GRM7: variants seen among roughly 807,000 people sequenced by gnomAD.
The protein encoded by GRM7 is glutamate metabotropic receptor 7, also known as metabotropic glutamate receptor 7.
In GRM7, 35 loss-of-function variants were observed where a neutral mutation model predicts 84.5. The observed-to-expected ratio is 0.41, with a 90% confidence interval of 0.32 to 0.55. GRM7 has a LOEUF of 0.55. Among genes scored for constraint, GRM7 ranks in the 20% least tolerant of loss-of-function variants. The probability of loss-of-function intolerance (pLI) is 0.19; values close to 1 mark genes in which losing one functional copy is unlikely to be tolerated. For missense variants in GRM7, 1,003 were observed against 1,194.6 expected, an observed-to-expected ratio of 0.84 and a Z score of 2.36; for synonymous variants, 487 against 455.1, an observed-to-expected ratio of 1.07 and a Z score of -0.89.
At chr3:6,878,828 A>G (rs1695408494) in intron 1 of GRM7, among the ~76,000 whole-genome samples, 1 of 152,184 alleles carries the variant, frequency 6.6e-6, no homozygotes, top group Non-Finnish European at 1.5e-5. Context: ...ATCTGCCTGA[A>G]AGTTTGTTAA....
In GRM7 at chr3:7,218,694, C is replaced by T. The variant is rs1200738832; in HGVS notation, c.736+72026C>T. 3.3e-5 allele frequency among the ~76,000 whole-genome samples: 5 copies of T among 152,120 alleles called. No homozygotes were observed. In the East Asian group the frequency reaches 9.6e-4, roughly 29 times the overall value. ...TTTCCGATGTTTATTAGCTACTTGA[C>T]TGTGCCCTTCCTTTAATTTTCTATT... On this transcript the variant is annotated intron_variant, in intron 2 of 9. Coordinates refer to ENST00000357716, the MANE Select transcript of GRM7 (RefSeq NM_000844.4).
At position 7,467,773 on chromosome 3, in the gene GRM7, C is replaced by T. The variant is rs191123666; in HGVS notation, c.1515+6051C>T. ...AGACAATTTATGTAACATACTCTTT[C>T]TTTACAATCTTATTCACCATAGTAA... On this transcript the variant is annotated intron_variant, in intron 7 of 9. Transcript: ENST00000357716. Among the ~76,000 whole-genome samples, 1,403 of 152,124 alleles carry T rather than the reference C, an allele frequency of 9.2e-3. 9 individuals are homozygous for T. Among genetic ancestry groups the T allele is most frequent in the Admixed American group, 0.016 (248 of 15,288 alleles).
chr3:7,300,249 T>C (rs1423512318), intron 3 of GRM7, among the ~76,000 whole-genome samples: 1 of 152,212 alleles, frequency 6.6e-6, no homozygotes, highest in East Asian at 1.9e-4. Flanking sequence ...AAGTTCCTGC[T>C]TGGATTTTTC....
chr3:7,010,209 G>A (rs1458909215), intron 1 of GRM7, among the ~76,000 whole-genome samples: 1 of 152,174 alleles, frequency 6.6e-6, no homozygotes, highest in African/African-American at 2.4e-5. Flanking sequence ...CTAGCAGTTT[G>A]GGAGGCCAAG....
chr3:7,112,053 G>A (rs1273336480), intron 1 of GRM7, among the ~76,000 whole-genome samples: 2 of 152,094 alleles, frequency 1.3e-5, no homozygotes, highest in African/African-American at 4.8e-5. Flanking sequence ...AGTGTAAAAG[G>A]CAGGAGATTT....
At chr3:7,343,270 G>A (rs1692729300) in intron 4 of GRM7, among the ~76,000 whole-genome samples, 1 of 152,052 alleles carries the variant, frequency 6.6e-6, no homozygotes, top group Non-Finnish European at 1.5e-5. Context: ...GTCTCACTCT[G>A]TTGCCCAGAC....
chr3:6,874,018 C>T (rs1695218057), intron 1 of GRM7, among the ~76,000 whole-genome samples: 1 of 152,190 alleles, frequency 6.6e-6, no homozygotes, highest in African/African-American at 2.4e-5. Flanking sequence ...GCCAGGCAGA[C>T]TGAATTTTAA....
At chr3:7,626,553 G>C (rs968004446) in intron 8 of GRM7, among the ~76,000 whole-genome samples, 2 of 152,136 alleles carry the variant, frequency 1.3e-5, no homozygotes, top group African/African-American at 2.4e-5. Context: ...CTGTGAAAAA[G>C]AGCATGTGCC....
intron 2 of GRM7, among the ~76,000 whole-genome samples, chr3:7,256,987 C>G (rs1449405988): frequency 6.6e-6 from 1 of 152,192 alleles, no homozygotes; most frequent in Admixed American, 6.5e-5. Flanking sequence ...TCATTTCAGA[C>G]AGAGGAATCT....
At chr3:7,514,949 T>C (rs1404277815) in intron 7 of GRM7, among the ~76,000 whole-genome samples, 2 of 152,108 alleles carry the variant, frequency 1.3e-5, no homozygotes, top group African/African-American at 4.8e-5. Flanking sequence ...ATTCGAGTTA[T>C]GACTGTTGAG....
intron 1 of GRM7, among the ~76,000 whole-genome samples, chr3:7,120,762 T>C (rs1351536219): frequency 1.3e-5 from 2 of 152,194 alleles, no homozygotes; most frequent in Non-Finnish European, 2.9e-5. Context: ...TTTAAAAATC[T>C]CATAACTTTC....
At chr3:7,693,169 G>A (rs757689575) in intron 9 of GRM7, among the ~76,000 whole-genome samples, 1 of 151,980 alleles carries the variant, frequency 6.6e-6, no homozygotes, top group Non-Finnish European at 1.5e-5. Flanking sequence ...GACATCTACT[G>A]GTCATCCTGA....
intron 2 of GRM7, among the ~76,000 whole-genome samples, chr3:7,171,287 A>T (rs1259537838): frequency 1.3e-5 from 2 of 151,944 alleles, no homozygotes; most frequent in Non-Finnish European, 2.9e-5. Flanking sequence ...TTTGTGTCCA[A>T]ATGTCCCCCT....
At chr3:7,414,999 A>G (rs779609430) in intron 4 of GRM7, 24 bp from the exon 5 acceptor site, 1 of 1,592,808 alleles carries the variant, frequency 6.3e-7, no homozygotes, top group East Asian at 2.3e-5. Context: ...GCAAGCAATG[A>G]CCTTTTCATT....
intron 4 of GRM7, among the ~76,000 whole-genome samples, chr3:7,347,137 T>C (rs1459498368): frequency 6.6e-6 from 1 of 152,096 alleles, no homozygotes; most frequent in African/African-American, 2.4e-5. Flanking sequence ...GTGAAATCGA[T>C]AAAATGTCAT....
chr3:7,298,291 G>A (rs1039328050), intron 2 of GRM7, among the ~76,000 whole-genome samples: 2 of 152,102 alleles, frequency 1.3e-5, no homozygotes, highest in African/African-American at 2.4e-5. Context: ...GATACACAGA[G>A]CTTTACCTGT....
intron 1 of GRM7, among the ~76,000 whole-genome samples, chr3:6,867,750 G>T (rs1366064128): frequency 1.3e-5 from 2 of 151,978 alleles, no homozygotes; most frequent in Non-Finnish European, 2.9e-5. Context: ...TTAATTAATG[G>T]ACCTTTTGTG....
chr3:7,063,579 A>G (rs534852159), intron 1 of GRM7, among the ~76,000 whole-genome samples: 1 of 151,932 alleles, frequency 6.6e-6, no homozygotes, highest in Non-Finnish European at 1.5e-5. Flanking sequence ...ATGAAAATCT[A>G]TAAGCTCTCA....
At chr3:7,395,481 T>G (rs1418137934) in intron 4 of GRM7, among the ~76,000 whole-genome samples, 1 of 152,198 alleles carries the variant, frequency 6.6e-6, no homozygotes, top group Admixed American at 6.5e-5. Context: ...TATTGTTATA[T>G]AATAATATGG....
Sources: gnomAD v4.1 joint callset for allele counts (sites outside exome capture counted in the v4.1 genomes callset) on GRCh38, gnomAD v4.1.1 for gene constraint, MANE v1.5 for transcripts, NCBI Gene and HGNC (gene_info 2026-07-23, HGNC 2026-07-21) for gene names.